Variants in NCAM2 observed in about 807,000 individuals in gnomAD.
NCAM2 encodes neural cell adhesion molecule 2.
Under a neutral mutation model 98.1 loss-of-function variants are expected in NCAM2, and 30 were observed. The ratio of observed to expected loss-of-function variants is 0.31; its 90% confidence interval spans 0.23 to 0.41. NCAM2 has a LOEUF of 0.41. Among genes scored for constraint, NCAM2 ranks in the 10% least tolerant of loss-of-function variants. The pLI is 1.00. For synonymous variants in NCAM2, 368 were observed against 342.4 expected (o/e 1.07, Z -0.83); for missense variants, 867 against 1,005.8 (o/e 0.86, Z 1.87).
At chr21:21,124,631 A>C (rs1357928926) in intron 1 of NCAM2, among the ~76,000 whole-genome samples, 1 of 152,200 alleles carries the variant, frequency 6.6e-6, no homozygotes, top group African/African-American at 2.4e-5. Context: ...ATCATGAACC[A>C]AACCTAAGAA....
intron 1 of NCAM2, among the ~76,000 whole-genome samples, chr21:21,114,814 A>G (rs2066520966): frequency 7.7e-6 from 1 of 129,416 alleles, no homozygotes; most frequent in South Asian, 2.8e-4. Flanking sequence ...CATTATGTCT[A>G]TTAAATTCTG....
intron 1 of NCAM2, among the ~76,000 whole-genome samples, chr21:21,262,767 A>G (rs1418182119): frequency 6.6e-6 from 1 of 152,026 alleles, no homozygotes; most frequent in Non-Finnish European, 1.5e-5. Flanking sequence ...TGGGCAATTA[A>G]CAAAATAAAG....
At chr21:21,318,277 T>G (rs1248102606) in intron 5 of NCAM2, among the ~76,000 whole-genome samples, 1 of 152,180 alleles carries the variant, frequency 6.6e-6, no homozygotes, top group African/African-American at 2.4e-5. Flanking sequence ...CAAGCTTGAA[T>G]TTATTTATTT....
intron 8 of NCAM2, among the ~76,000 whole-genome samples, chr21:21,356,650 T>A (rs1455041863): frequency 6.6e-6 from 1 of 152,148 alleles, no homozygotes; most frequent in Non-Finnish European, 1.5e-5. Context: ...TAATGAAGAC[T>A]TTTATATTGG....
intron 9 of NCAM2, among the ~76,000 whole-genome samples, chr21:21,380,830 G>C (rs1204904563): frequency 6.6e-6 from 1 of 152,168 alleles, no homozygotes; most frequent in Non-Finnish European, 1.5e-5. Flanking sequence ...AAAGGTGTCA[G>C]TATCTTTGGG....
At chr21:21,374,153 T>C (rs1367160097) in intron 9 of NCAM2, 140 bp downstream of exon 9, 10 of 717,890 alleles carry the variant, frequency 1.4e-5, no homozygotes, top group Non-Finnish European at 2.1e-5. Flanking sequence ...ATAGGAATCA[T>C]TCAGTCAGTT....
chr21:21,445,490 G>A (rs1979975286), intron 12 of NCAM2, among the ~76,000 whole-genome samples: 1 of 152,124 alleles, frequency 6.6e-6, no homozygotes, highest in African/African-American at 2.4e-5. Flanking sequence ...AGGTCTGTAA[G>A]AGCTTGTTTT....
rs79546195 is a variant in NCAM2, at chr21:21,137,857, G to A, written c.55+139239G>A. 6.0e-5 allele frequency among the ~76,000 whole-genome samples: 9 copies of A among 150,312 alleles called. No homozygotes were observed. In the East Asian group the frequency reaches 1.8e-3, roughly 29 times the overall value. ...TCGTCACTTCATTTTTTTTTTCTGTGTTGTGATTCTTCTTTGTGTTCCTTG... is the reference window on the plus strand; with the variant it reads ...TCGTCACTTCATTTTTTTTTTCTGTATTGTGATTCTTCTTTGTGTTCCTTG... On this transcript the variant is annotated intron_variant, in intron 1 of 17. Transcript: ENST00000400546.
At chr21:21,210,070 ACAATG>A (rs2069591156) in intron 1 of NCAM2, among the ~76,000 whole-genome samples, 1 of 152,240 alleles carries the variant, frequency 6.6e-6, no homozygotes. Context: ...CAGAAAATAA[ACAATG>A]GCTTTTCATG....
Position 21,214,746 on chromosome 21 carries a change from T to TTCCATATATATATATATATATATATAC in NCAM2, c.56-65832_56-65831insTCCATATATATATATATATATATATAC, listed in dbSNP as rs2069813264. Among the ~76,000 whole-genome samples, 5 of 100,604 alleles carry TTCCATATATATATATATATATATATAC rather than the reference T, an allele frequency of 5.0e-5. No individual in the cohort carries two copies. In the East Asian group the frequency reaches 1.1e-3, roughly 22 times the overall value. The allele number at this position is 100,604 out of a possible 152,430, so 66.0% of individuals were successfully genotyped here. On this transcript the variant is annotated intron_variant, in intron 1 of 17. Coordinates refer to ENST00000400546, the MANE Select transcript of NCAM2 (RefSeq NM_004540.5). ...CCATATATATATATATATATATATA[T>TTCCATATATATATATATATATATATAC]ACACTATATATACACATATATGTAA...
chr21:21,493,847 C>T (rs173047), intron 15 of NCAM2, among the ~76,000 whole-genome samples: 129,935 of 151,862 alleles, frequency 0.86, 55,736 homozygotes, highest in Middle Eastern at 0.93. Context: ...CAATTAGCAA[C>T]ATGCATTCAA....
At chr21:21,160,466 ATATT>A (rs1381904665) in intron 1 of NCAM2, among the ~76,000 whole-genome samples, 1 of 152,132 alleles carries the variant, frequency 6.6e-6, no homozygotes, top group East Asian at 1.9e-4. Context: ...TTAAAGAGTA[ATATT>A]TATTTATTAC....
At chr21:21,340,414 T>C (rs1276357443) in intron 8 of NCAM2, among the ~76,000 whole-genome samples, 4 of 151,896 alleles carry the variant, frequency 2.6e-5, no homozygotes, top group African/African-American at 9.7e-5. Flanking sequence ...CTTGGATCTA[T>C]GCCTCAGGCC....
intron 7 of NCAM2, 33 bp downstream of exon 7, chr21:21,335,698 A>G: frequency 2.0e-6 from 3 of 1,507,806 alleles, no homozygotes; most frequent in Non-Finnish European, 2.7e-6. Flanking sequence ...TAAAACTGTT[A>G]TGTCTATTGG....
chr21:21,113,156 A>G (rs1265083092), intron 1 of NCAM2, among the ~76,000 whole-genome samples: 1 of 152,172 alleles, frequency 6.6e-6, no homozygotes, highest in African/African-American at 2.4e-5. Flanking sequence ...AAACCAAACC[A>G]AACAAAACTA....
intron 2 of NCAM2, among the ~76,000 whole-genome samples, chr21:21,283,242 G>A (rs936832966): frequency 4.6e-5 from 7 of 151,720 alleles, no homozygotes; most frequent in Non-Finnish European, 7.4e-5. Flanking sequence ...CCATTTCTTC[G>A]GAAAAATGAG....
chr21:21,101,960 C>A lies in NCAM2; in HGVS notation c.55+103342C>A, dbSNP rs112634320. Among the ~76,000 whole-genome samples the A allele has an allele frequency of 1.6e-3, 249 of 152,118 alleles. 2 individuals carry two copies. The highest frequency in any genetic ancestry group is 5.8e-3 in the African/African-American group (239 of 41,514). On this transcript the variant is annotated intron_variant, in intron 1 of 17. Coordinates refer to ENST00000400546, the MANE Select transcript of NCAM2 (RefSeq NM_004540.5). ...ATGTGCTAACCTGTTTCTGTTGGGT[C>A]TAGCATGTGGCAAGCTTTGGCCAAT...
chr21:21,096,850 G>A (rs1426250517), intron 1 of NCAM2, among the ~76,000 whole-genome samples: 1 of 151,480 alleles, frequency 6.6e-6, no homozygotes, highest in Non-Finnish European at 1.5e-5. Context: ...ACTTCATCTG[G>A]AATGTCTATA....
chr21:21,356,496 TTTC>T (rs1295805881), intron 8 of NCAM2, among the ~76,000 whole-genome samples: 1 of 152,128 alleles, frequency 6.6e-6, no homozygotes, highest in Non-Finnish European at 1.5e-5. Context: ...ATATTTTTTG[TTTC>T]TTTTTTTATT....
Sources: allele counts gnomAD v4.1 joint callset (sites outside exome capture counted in the v4.1 genomes callset), GRCh38; gene constraint gnomAD v4.1.1; transcripts MANE v1.5; gene names NCBI Gene and HGNC (gene_info 2026-07-23, HGNC 2026-07-21).